SYT17: variants seen among roughly 807,000 people sequenced by gnomAD.
SYT17 encodes the protein synaptotagmin-17.
In SYT17, 22 loss-of-function variants were observed where a neutral mutation model predicts 46.7. The observed-to-expected ratio is 0.47, with a 90% CI of 0.34 to 0.67. The LOEUF (loss-of-function observed/expected upper bound fraction) is 0.67, where lower values mean the gene tolerates loss of function less well. Among genes scored for constraint, SYT17 ranks in the 30% least tolerant of loss-of-function variants. The probability of loss-of-function intolerance (pLI) is 0.01; values close to 1 mark genes in which losing one functional copy is unlikely to be tolerated. For synonymous variants in SYT17, 251 were observed against 248.4 expected (o/e 1.01, Z -0.10); for missense variants, 519 against 612.8 (o/e 0.85, Z 1.62).
chr16:19,168,435 C>A lies in SYT17; in HGVS notation c.-212C>A. ...TATCTCCGAACCGGGGAGGCGGCCC[C>A]GATTCCGAGAGCCGGAACGCAGGGA... On this transcript the variant is annotated 5_prime_UTR_variant, in exon 1 of 8. Coordinates refer to ENST00000355377, the MANE Select transcript of SYT17 (RefSeq NM_016524.4). The surrounding 1 kb of genome is among the most constrained non-coding windows in gnomAD (Gnocchi z 6.9). 1 of 636,142 alleles carries A rather than the reference C, an allele frequency of 1.6e-6. No homozygotes were observed. The allele number at this position is 636,142 out of a possible 1,614,324, so 39.4% of individuals were successfully genotyped here.
rs751761077 is a variant in SYT17, at chr16:19,183,760, G to A, written c.564G>A (p.Leu188=). ...EILSKYQLGM[L]HFSTQYDLLH... ...TGTCCAAGTACCAGCTGGGCATGCT[G>A]CACTTCAGCACTCAGTACGACCTGC... Residue 188 remains leucine (L), a synonymous_variant, in exon 5 of 8, where the codon CTG becomes CTA. Coordinates refer to ENST00000355377, the MANE Select transcript of SYT17 (RefSeq NM_016524.4). The surrounding 1 kb of genome is among the most constrained non-coding windows in gnomAD (Gnocchi z 5.6). The A allele has an allele frequency of 1.9e-6, 3 of 1,614,212 alleles. No homozygotes were observed. Among genetic ancestry groups the A allele is most frequent in the Admixed American group, 3.3e-5 (2 of 60,026 alleles).
In SYT17 at chr16:19,172,786, A is replaced by G. The variant is rs772106005; in HGVS notation, c.33+9A>G. 2.2e-5 allele frequency: 35 copies of G among 1,613,908 alleles called. No homozygotes were observed. The highest frequency in any genetic ancestry group is 2.7e-5 in the Non-Finnish European group (32 of 1,179,998). On this transcript the variant is annotated intron_variant, in intron 2 of 7. Coordinates refer to ENST00000355377, the MANE Select transcript of SYT17 (RefSeq NM_016524.4). ...TGGAACCATTAAACGAGGTGGGTTC[A>G]TTTGATGATTTGTTTGGTCTGGTTT...
intron 7 of SYT17, among the ~76,000 whole-genome samples, chr16:19,244,580 C>T (rs1344645731): frequency 6.6e-6 from 1 of 152,176 alleles, no homozygotes; most frequent in Non-Finnish European, 1.5e-5. Context: ...GGCAATTTTC[C>T]CATCTCAGCC....
intron 7 of SYT17, among the ~76,000 whole-genome samples, chr16:19,236,475 G>A (rs12444661): frequency 0.44 from 66,440 of 151,924 alleles, 16,135 homozygotes; most frequent in East Asian, 0.72. Flanking sequence ...GATACCAGCT[G>A]TAAGTTCTGA....
intron 5 of SYT17, among the ~76,000 whole-genome samples, chr16:19,196,890 G>GGT (rs1965268241): frequency 6.6e-6 from 1 of 152,050 alleles, no homozygotes; most frequent in African/African-American, 2.4e-5. Context: ...GATAATTTGA[G>GGT]GTGCTCAGAG....
At chr16:19,206,056 TAAAG>T (rs907754049) in intron 5 of SYT17, among the ~76,000 whole-genome samples, 9 of 152,090 alleles carry the variant, frequency 5.9e-5, no homozygotes, top group Non-Finnish European at 1.0e-4. Context: ...CTAGAACTCA[TAAAG>T]AAAGTATATT....
At chr16:19,191,271 G>C (rs144667528) in intron 5 of SYT17, among the ~76,000 whole-genome samples, 2 of 152,214 alleles carry the variant, frequency 1.3e-5, no homozygotes, top group East Asian at 3.9e-4. Context: ...TCCTAAATTC[G>C]TATGTTGAAA....
chr16:19,248,013 C>A (rs1446767194), intron 7 of SYT17, among the ~76,000 whole-genome samples: 4 of 152,126 alleles, frequency 2.6e-5, no homozygotes, highest in African/African-American at 9.7e-5. Context: ...ATAAAGAGCT[C>A]TTGTAACTCA....
chr16:19,255,803 C>T lies in SYT17; in HGVS notation c.1229-11077C>T, dbSNP rs562251107. 2.3e-4 allele frequency among the ~76,000 whole-genome samples: 35 copies of T among 152,164 alleles called. No homozygotes were observed. In the East Asian group the frequency reaches 2.9e-3, roughly 13 times the overall value. The stretch of plus-strand genomic sequence containing the variant: ...AAAAATTAAATAATTCGTTCTAAGC[C>T]AATATTGCCTGCAGACCACGACAAA... On this transcript the variant is annotated intron_variant, in intron 7 of 7. Transcript: ENST00000355377.
At chr16:19,246,017 T>C (rs1237400033) in intron 7 of SYT17, among the ~76,000 whole-genome samples, 1 of 151,928 alleles carries the variant, frequency 6.6e-6, no homozygotes. Context: ...TATTTATTTT[T>C]TTTTTTGAGA....
intron 4 of SYT17, among the ~76,000 whole-genome samples, chr16:19,182,099 T>C (rs1293183667): frequency 6.6e-6 from 1 of 151,416 alleles, no homozygotes; most frequent in Non-Finnish European, 1.5e-5. Context: ...ATATAGTGGG[T>C]TAAATAAAAT....
chr16:19,207,196 G>C (rs1965706107), intron 5 of SYT17, among the ~76,000 whole-genome samples: 1 of 152,192 alleles, frequency 6.6e-6, no homozygotes, highest in African/African-American at 2.4e-5. Context: ...ACCAGAAGCA[G>C]AGGAGATGCT....
rs117651353 is a variant in SYT17 at position 19,256,828 on chromosome 16, T to C, written c.1229-10052T>C. On this transcript the variant is annotated intron_variant, in intron 7 of 7. Coordinates refer to ENST00000355377, the MANE Select transcript of SYT17 (RefSeq NM_016524.4). ...CCTGGGCTCAAGCGATCCTCCCACC[T>C]TGGCCTCTCGAAGTGCTGGGATTAC... is the stretch of plus-strand genomic sequence containing the variant. 3.5e-3 allele frequency among the ~76,000 whole-genome samples: 527 copies of C among 152,272 alleles called. 21 individuals carry two copies. The East Asian group carries it at 0.075, about 22-fold the overall frequency.
chr16:19,252,452 TATATAC>T (rs1411469849), intron 7 of SYT17, among the ~76,000 whole-genome samples: 1 of 11,152 alleles, frequency 9.0e-5, no homozygotes, highest in Non-Finnish European at 1.3e-4. Flanking sequence ...TATATACACA[TATATAC>T]ATATATATAT....
intron 7 of SYT17, among the ~76,000 whole-genome samples, chr16:19,252,414 T>C (rs148956071): frequency 0.3 from 8,642 of 29,072 alleles, 3,314 homozygotes; most frequent in South Asian, 0.35. Flanking sequence ...CATATATATA[T>C]ACATATATAT....
chr16:19,233,263 G>T (rs1181243515), intron 7 of SYT17, among the ~76,000 whole-genome samples: 2 of 152,118 alleles, frequency 1.3e-5, no homozygotes, highest in African/African-American at 4.8e-5. Flanking sequence ...GGGTGGGAAG[G>T]CACGGCGGGG....
At position 19,188,224 on chromosome 16, in the gene SYT17, T is replaced by A. The variant is rs572423158; in HGVS notation, c.951+4077T>A. Reference sequence around the variant, plus strand: ...CTGGAGGCCATTATCCTCAGCAAACTAACACAGGAATGGAAAACCAAATAC... The same window carrying A: ...CTGGAGGCCATTATCCTCAGCAAACAAACACAGGAATGGAAAACCAAATAC... On this transcript the variant is annotated intron_variant, in intron 5 of 7. Coordinates refer to ENST00000355377, the MANE Select transcript of SYT17 (RefSeq NM_016524.4). Among the ~76,000 whole-genome samples the A allele has an allele frequency of 2.0e-5, 3 of 152,108 alleles. No homozygotes were observed. The East Asian group carries it at 5.8e-4, about 29-fold the overall frequency.
chr16:19,222,777 G>A (rs1016815974), intron 5 of SYT17, among the ~76,000 whole-genome samples: 2 of 152,160 alleles, frequency 1.3e-5, no homozygotes, highest in Non-Finnish European at 2.9e-5. Flanking sequence ...GTAGTACATG[G>A]CAGTGAAGCA....
At chr16:19,214,176 A>G (rs751619886) in intron 5 of SYT17, among the ~76,000 whole-genome samples, 2 of 152,174 alleles carry the variant, frequency 1.3e-5, no homozygotes, top group Non-Finnish European at 2.9e-5. Context: ...AGGTTGATGC[A>G]AGTTGGATGT....
Sources: allele counts gnomAD v4.1 joint callset (sites outside exome capture counted in the v4.1 genomes callset), GRCh38; gene constraint gnomAD v4.1.1; non-coding constraint Gnocchi (gnomAD v3.1); transcripts MANE v1.5; gene names NCBI Gene and HGNC (gene_info 2026-07-23, HGNC 2026-07-21).